Variants in PLPP1 observed in about 807,000 individuals in gnomAD.
PLPP1 encodes phospholipid phosphatase 1.
PLPP1 carries 24 observed loss-of-function variants against 31.2 expected under a neutral mutation model. The observed-to-expected ratio is 0.77, with a 90% CI of 0.56 to 1.08. The LOEUF is 1.08. Ranked by LOEUF, PLPP1 falls within the 50% of genes least tolerant of loss-of-function variation. The pLI, the probability that PLPP1 is intolerant of heterozygous loss-of-function variation, is 0.00. For synonymous variants in PLPP1, 146 were observed against 126.3 expected (o/e 1.16, Z -1.05); for missense variants, 319 against 342.7 (o/e 0.93, Z 0.55).
rs188148867 is a variant in PLPP1, at chr5:55,479,873, T to C, written c.59-4423A>G. Among the ~76,000 whole-genome samples, 609 of 152,324 alleles carry C rather than the reference T, an allele frequency of 4.0e-3. 4 individuals carry two copies. The highest frequency in any genetic ancestry group is 0.014 in the African/African-American group (581 of 41,584). ...TTTTTAATTTTTTGATTACCCTATG[T>C]GATGCTATAGTGAACATTTCTGAAT... On this transcript the variant is annotated intron_variant, in intron 1 of 5. Coordinates refer to ENST00000307259, the MANE Select transcript of PLPP1 (RefSeq NM_003711.4).
At position 55,471,826 on chromosome 5, in the gene PLPP1, T is replaced by C. The variant is rs370302970; in HGVS notation, c.210+3473A>G. Among the ~76,000 whole-genome samples, 24 of 152,316 alleles carry C rather than the reference T, an allele frequency of 1.6e-4. No homozygotes were observed. In the East Asian group the frequency reaches 4.4e-3, roughly 28 times the overall value. On this transcript the variant is annotated intron_variant, in intron 2 of 5. Transcript: ENST00000307259. ...ATGAATAAAATTGAATTATTTTAAA[T>C]GAGCACATAAGGCTGAGCATGGTGG...
intron 1 of PLPP1, chr5:55,530,704 C>G (rs1350965895): frequency 6.3e-7 from 1 of 1,579,702 alleles, no homozygotes; most frequent in South Asian, 1.1e-5. Flanking sequence ...GCTCTCTCTT[C>G]TAGTCACATT....
In PLPP1 at chr5:55,493,314, C is replaced by CAA. The variant is rs572344012; in HGVS notation, c.59-17866_59-17865dup. ...TGGGCAACAGGACAAGACCCTGTCTCAAAAAAAAAAAAAAGAAGAAGAAAA... is the reference window on the plus strand; with the variant it reads ...TGGGCAACAGGACAAGACCCTGTCTCAAAAAAAAAAAAAAAAGAAGAAGAAAA... On this transcript the variant is annotated intron_variant, in intron 1 of 5. Transcript: ENST00000307259. Among the ~76,000 whole-genome samples, 5 of 103,898 alleles carry CAA rather than the reference C, an allele frequency of 4.8e-5. No homozygotes were observed. In the East Asian group the frequency reaches 8.4e-4, roughly 18 times the overall value. 68.2% of individuals were successfully genotyped at this position (103,898 alleles called of 152,430 possible).
chr5:55,500,077 ATTT>A lies in PLPP1; in HGVS notation c.59-24630_59-24628del, dbSNP rs72040194. 6.9e-3 allele frequency among the ~76,000 whole-genome samples: 778 copies of A among 112,488 alleles called. 3 individuals are homozygous for A. The highest frequency in any genetic ancestry group is 0.011 in the African/African-American group (358 of 31,192). The allele number at this position is 112,488 out of a possible 152,430, so 73.8% of individuals were successfully genotyped here. On this transcript the variant is annotated intron_variant, in intron 1 of 5. Transcript: ENST00000307259. ...ATGGTATAATTTGATTTCTCTAAAA[ATTT>A]TTTTTTTTTTTTTTTTTGAGACAGA...
intron 3 of PLPP1, among the ~76,000 whole-genome samples, chr5:55,464,011 A>G (rs1752228774): frequency 6.6e-6 from 1 of 152,004 alleles, no homozygotes; most frequent in South Asian, 2.1e-4. Flanking sequence ...ATGGACAAGA[A>G]ACACACGAAA....
chr5:55,498,382 C>T (rs1579966127), intron 1 of PLPP1, among the ~76,000 whole-genome samples: 1 of 137,626 alleles, frequency 7.3e-6, no homozygotes, highest in South Asian at 2.6e-4. Flanking sequence ...AACTGTGGAT[C>T]GTGTCTCTGT....
intron 3 of PLPP1, among the ~76,000 whole-genome samples, chr5:55,457,706 T>C (rs1371560570): frequency 6.6e-6 from 1 of 152,112 alleles, no homozygotes; most frequent in Non-Finnish European, 1.5e-5. Flanking sequence ...CTGGCCAATA[T>C]GGTGAAACCC....
chr5:55,490,144 CT>C (rs896241457), intron 1 of PLPP1, among the ~76,000 whole-genome samples: 343 of 83,394 alleles, frequency 4.1e-3, no homozygotes, highest in African/African-American at 8.7e-3. Context: ...CTTTTCTTTT[CT>C]TTTTTTTTTT....
chr5:55,530,823 C>G (rs1740636365), intron 1 of PLPP1: 5 of 1,317,972 alleles, frequency 3.8e-6, no homozygotes, highest in Middle Eastern at 3.7e-4. Context: ...TTTTGAGCAC[C>G]TCCTGACAGA....
intron 1 of PLPP1, chr5:55,530,742 G>A (rs1740633176): frequency 8.9e-6 from 14 of 1,569,078 alleles, no homozygotes; most frequent in South Asian, 8.9e-5. Flanking sequence ...AATGTGCTCC[G>A]CTTTCCCTCA....
At chr5:55,464,235 C>CT (rs35680320) in intron 3 of PLPP1, among the ~76,000 whole-genome samples, 161 of 139,270 alleles carry the variant, frequency 1.2e-3, no homozygotes, top group East Asian at 8.7e-3. Context: ...TTCAGAACAT[C>CT]TTTTTTTTTT....
intron 3 of PLPP1, among the ~76,000 whole-genome samples, chr5:55,458,498 T>A (rs1422068569): frequency 6.6e-6 from 1 of 151,954 alleles, no homozygotes; most frequent in Non-Finnish European, 1.5e-5. Flanking sequence ...AGATAACATG[T>A]CAGTAGGATA....
chr5:55,483,123 T>C (rs550230131), intron 1 of PLPP1, among the ~76,000 whole-genome samples: 34 of 152,174 alleles, frequency 2.2e-4, no homozygotes, highest in Non-Finnish European at 4.0e-4. Context: ...AGTGATTTTT[T>C]AAAATTAACT....
chr5:55,441,965 T>TAA, intron 3 of PLPP1, 57 bp from the exon 4 acceptor site: 1 of 1,509,276 alleles, frequency 6.6e-7, no homozygotes, highest in Non-Finnish European at 9.2e-7. Context: ...AAAGTATTGT[T>TAA]GATTTCATAA....
At chr5:55,523,723 T>C (rs1753722716) in intron 1 of PLPP1, among the ~76,000 whole-genome samples, 1 of 152,268 alleles carries the variant, frequency 6.6e-6, no homozygotes, top group Non-Finnish European at 1.5e-5. Context: ...GCCTCTTTTC[T>C]GTGACAAAAT....
At chr5:55,513,006 A>G (rs981739141) in intron 1 of PLPP1, among the ~76,000 whole-genome samples, 1 of 152,224 alleles carries the variant, frequency 6.6e-6, no homozygotes, top group African/African-American at 2.4e-5. Flanking sequence ...TGTGACCTGT[A>G]GAGTTTTGTC....
At chr5:55,492,087 A>AATTTTCTC (rs1752905688) in intron 1 of PLPP1, among the ~76,000 whole-genome samples, 1 of 152,172 alleles carries the variant, frequency 6.6e-6, no homozygotes, top group Non-Finnish European at 1.5e-5. Context: ...ATGACCCTGA[A>AATTTTCTC]AGACCAAAGT....
In PLPP1 at chr5:55,530,799, G is replaced by T. The variant is rs1174551629; in HGVS notation, c.58+3773C>A. ...TACAGAAAACGTGCTGACAGGGCGC[G>T]GTCCGCACGGGCGTTTTGAGCACCT... On this transcript the variant is annotated intron_variant, in intron 1 of 5. Transcript: ENST00000307259. 8.3e-5 allele frequency: 120 copies of T among 1,438,206 alleles called. No homozygotes were observed. The South Asian group carries it at 1.3e-3, about 15-fold the overall frequency. The allele number at this position is 1,438,206 out of a possible 1,614,324, so 89.1% of individuals were successfully genotyped here. A position where few individuals can be genotyped will look rare whatever the true frequency, so the allele number is the denominator to read the frequency against.
intron 4 of PLPP1, among the ~76,000 whole-genome samples, chr5:55,440,072 T>A (rs1207969345): frequency 1.3e-5 from 2 of 152,190 alleles, no homozygotes; most frequent in Admixed American, 1.3e-4. Flanking sequence ...CAGTCATCCC[T>A]CATCTTTTCA....
Sources: allele counts gnomAD v4.1 joint callset (sites outside exome capture counted in the v4.1 genomes callset), GRCh38; gene constraint gnomAD v4.1.1; transcripts MANE v1.5; gene names NCBI Gene and HGNC (gene_info 2026-07-23, HGNC 2026-07-21).